IL1RL2: variants seen among roughly 807,000 people sequenced by gnomAD.
The protein encoded by IL1RL2 is interleukin-1 receptor-like 2.
A neutral mutation model predicts 66.8 loss-of-function variants in IL1RL2; 68 were observed. That is an observed-to-expected ratio of 1.02 (90% CI 0.84 to 1.25). The LOEUF is 1.25. Among genes scored for constraint, IL1RL2 ranks in the 50% most tolerant of loss-of-function variants. The pLI is 0.00. For missense variants in IL1RL2, 729 were observed against 709.3 expected, an observed-to-expected ratio of 1.03 and a Z score of -0.32; for synonymous variants, 305 against 264.6, an observed-to-expected ratio of 1.15 and a Z score of -1.48.
chr2:102,205,526 T>C (rs529533158), intron 5 of IL1RL2, among the ~76,000 whole-genome samples: 1 of 152,174 alleles, frequency 6.6e-6, no homozygotes, highest in South Asian at 2.1e-4. Flanking sequence ...GGATATGCTA[T>C]TCTAGGGTAA....
Position 102,234,899 on chromosome 2 carries a change from G to A in IL1RL2, c.1300G>A (p.Val434Met), listed in dbSNP as rs761958208. The change falls in exon 11 of 12, where the codon GTG becomes ATG. Residue 434 changes from valine to methionine, a missense_variant and splice_region_variant. By Grantham distance (21) the Val-to-Met change is conservative. Coordinates refer to ENST00000264257, the MANE Select transcript of IL1RL2 (RefSeq NM_003854.4). ...FGRDEFPGQA[V>M]ANVIDENVKL... ...GAGCCTTCTTTCTTTATTTCCAGCC[G>A]TGGCCAATGTCATCGATGAAAACGT... is the stretch of plus-strand genomic sequence containing the variant. 1.6e-5 allele frequency: 26 copies of A among 1,609,446 alleles called. No individual in the cohort carries two copies. Among genetic ancestry groups the A allele is most frequent in the South Asian group, 6.6e-5 (6 of 91,016 alleles).
chr2:102,211,094 C>T (rs993322294), intron 5 of IL1RL2, among the ~76,000 whole-genome samples: 5 of 152,120 alleles, frequency 3.3e-5, no homozygotes, highest in African/African-American at 1.2e-4. Context: ...GGTGATGATA[C>T]ATTAACAAGC....
chr2:102,195,600 T>TC (rs1491224996), intron 4 of IL1RL2, among the ~76,000 whole-genome samples: 1 of 17,806 alleles, frequency 5.6e-5, no homozygotes, highest in Middle Eastern at 0.022. Flanking sequence ...TTTCTTTCTT[T>TC]CTTTCTTTCT....
At chr2:102,222,925 A>C (rs921813070) in intron 8 of IL1RL2, among the ~76,000 whole-genome samples, 1 of 152,202 alleles carries the variant, frequency 6.6e-6, no homozygotes, top group Non-Finnish European at 1.5e-5. Flanking sequence ...TGAATAATAT[A>C]GACTGAAGCT....
chr2:102,201,175 C>G (rs969163467), intron 4 of IL1RL2, among the ~76,000 whole-genome samples: 2 of 152,076 alleles, frequency 1.3e-5, no homozygotes, highest in Admixed American at 6.6e-5. Context: ...AAAACTGACC[C>G]AGGCTCAGTT....
At chr2:102,202,050 T>C (rs949634634) in intron 5 of IL1RL2, among the ~76,000 whole-genome samples, 2 of 152,170 alleles carry the variant, frequency 1.3e-5, no homozygotes, top group Non-Finnish European at 2.9e-5. Flanking sequence ...TGAACATGAC[T>C]GTCATTCACC....
chr2:102,226,209 C>T (rs1481057481), intron 9 of IL1RL2, among the ~76,000 whole-genome samples, 168 bp downstream of exon 9: 3 of 152,192 alleles, frequency 2.0e-5, no homozygotes, highest in Admixed American at 2.0e-4. Context: ...TCCCTAATCA[C>T]CAGCATCATT....
intron 11 of IL1RL2, 71 bp from the exon 12 acceptor site, chr2:102,239,121 G>T: frequency 7.2e-7 from 1 of 1,394,182 alleles, no homozygotes; most frequent in South Asian, 1.2e-5. Flanking sequence ...CATTCCCATG[G>T]CAGGTTTCCT....
intron 4 of IL1RL2, among the ~76,000 whole-genome samples, chr2:102,193,846 T>C (rs1228538254): frequency 6.6e-6 from 1 of 152,236 alleles, no homozygotes; most frequent in African/African-American, 2.4e-5. Flanking sequence ...TGCCCACTCA[T>C]ATCTTTTGGT....
intron 1 of IL1RL2, chr2:102,187,389 C>G: frequency 8.7e-7 from 1 of 1,144,856 alleles, no homozygotes; most frequent in Non-Finnish European, 1.1e-6. Flanking sequence ...TTTGGGGTTT[C>G]TGTTTAGACC....
intron 9 of IL1RL2, among the ~76,000 whole-genome samples, chr2:102,230,843 T>C (rs555649624): frequency 2.4e-4 from 37 of 152,308 alleles, no homozygotes; most frequent in African/African-American, 8.2e-4. Flanking sequence ...GGTGTGAGAA[T>C]TGATGGACTG....
chr2:102,224,124 T>C (rs549942286), intron 8 of IL1RL2, among the ~76,000 whole-genome samples: 49 of 152,340 alleles, frequency 3.2e-4, no homozygotes, highest in Middle Eastern at 6.8e-3. Context: ...AGCTCTTTAA[T>C]GAGTATTTTA....
At chr2:102,187,787 G>T in intron 1 of IL1RL2, 69 bp from the exon 2 acceptor site, 1 of 1,329,070 alleles carries the variant, frequency 7.5e-7, no homozygotes, top group Non-Finnish European at 1.1e-6. Flanking sequence ...TTCCGAGGTC[G>T]CCCACGCCGG....
chr2:102,229,993 A>C (rs1245733959), intron 9 of IL1RL2, among the ~76,000 whole-genome samples: 2 of 152,230 alleles, frequency 1.3e-5, no homozygotes, highest in East Asian at 3.9e-4. Flanking sequence ...GTAGGAAAAA[A>C]GAGAAACAGA....
upstream of IL1RL2, chr2:102,186,987 C>T (rs1319048186): frequency 3.1e-6 from 4 of 1,286,662 alleles, no homozygotes; most frequent in Non-Finnish European, 4.1e-6. Context: ...CCCACGGTGG[C>T]GGGGAAATAC....
At chr2:102,204,372 G>A (rs1024268356) in intron 5 of IL1RL2, among the ~76,000 whole-genome samples, 11 of 152,062 alleles carry the variant, frequency 7.2e-5, no homozygotes, top group Non-Finnish European at 1.6e-4. Flanking sequence ...TGGATGAAAC[G>A]TTCTGTAAAT....
intron 4 of IL1RL2, among the ~76,000 whole-genome samples, chr2:102,193,509 G>A (rs553967826): frequency 1.3e-5 from 2 of 152,144 alleles, no homozygotes; most frequent in Non-Finnish European, 2.9e-5. Flanking sequence ...TCAAGTGGAA[G>A]CCCAGGTAAT....
chr2:102,226,838 C>G (rs554447531), intron 9 of IL1RL2, among the ~76,000 whole-genome samples: 2 of 152,264 alleles, frequency 1.3e-5, no homozygotes, highest in East Asian at 3.9e-4. Context: ...TGATTAAATC[C>G]TGCTTTTTGA....
chr2:102,230,297 A>G (rs1691005416), intron 9 of IL1RL2, among the ~76,000 whole-genome samples: 1 of 152,196 alleles, frequency 6.6e-6, no homozygotes, highest in East Asian at 1.9e-4. Flanking sequence ...CTGGCTTTGG[A>G]AAGTCAAATG....
Sources: gnomAD v4.1 joint callset for allele counts (sites outside exome capture counted in the v4.1 genomes callset) on GRCh38, gnomAD v4.1.1 for gene constraint, MANE v1.5 for transcripts, NCBI Gene and HGNC (gene_info 2026-07-23, HGNC 2026-07-21) for gene names.